MAST2: variants seen among roughly 807,000 people sequenced by gnomAD.
MAST2 encodes microtubule-associated serine/threonine-protein kinase 2.
In MAST2, 70 loss-of-function variants were observed where a neutral mutation model predicts 147.4. That is an observed-to-expected ratio of 0.47 (90% confidence interval 0.39 to 0.58). The LOEUF (loss-of-function observed/expected upper bound fraction) is 0.58. MAST2 is among the 20% of genes least tolerant of loss of function. MAST2 has a pLI of 0.00. For synonymous variants in MAST2, 869 were observed against 896.8 expected (o/e 0.97, Z 0.55); for missense variants, 2,080 against 2,302.3 (o/e 0.90, Z 1.98).
At position 46,023,806 on chromosome 1, in the gene MAST2, C is replaced by T; in HGVS notation, c.1606C>T (p.Gln536Ter). 3.1e-6 allele frequency: 5 copies of T among 1,614,094 alleles called. No homozygotes were observed. The highest frequency in any genetic ancestry group is 4.2e-6 in the Non-Finnish European group (5 of 1,180,028). ...TCTGGTGCGGCACAAGTCCACCCGGCAGCGCTTTGCCATGAAGAAGATCAA... is the reference window on the plus strand; with the variant it reads ...TCTGGTGCGGCACAAGTCCACCCGGTAGCGCTTTGCCATGAAGAAGATCAA... The part of the protein sequence containing the change: ...VFLVRHKSTR[Q>*]RFAMKKINKQ... The change falls in exon 15 of 29, where the codon CAG becomes TAG. Residue 536 changes from glutamine to a stop codon, truncating the protein, a stop_gained. Coordinates refer to ENST00000361297, the MANE Select transcript of MAST2 (RefSeq NM_015112.3). LOFTEE classifies it high-confidence loss of function. This position sits in a 1 kb window ranked among gnomAD's most constrained non-coding sequence, Gnocchi z 4.9.
chr1:45,828,125 C>T (rs1644848224), intron 2 of MAST2, among the ~76,000 whole-genome samples: 1 of 152,182 alleles, frequency 6.6e-6, no homozygotes, highest in African/African-American at 2.4e-5. Context: ...GCCACAACAC[C>T]TGTCCTGAAG....
chr1:45,834,712 A>G (rs942944370), intron 3 of MAST2, among the ~76,000 whole-genome samples: 5 of 152,166 alleles, frequency 3.3e-5, no homozygotes, highest in African/African-American at 1.2e-4. Flanking sequence ...TGATGCTGCT[A>G]TGTGAATCTG....
At chr1:45,947,382 A>C (rs1392535077) in intron 4 of MAST2, among the ~76,000 whole-genome samples, 1 of 151,918 alleles carries the variant, frequency 6.6e-6, no homozygotes, top group Non-Finnish European at 1.5e-5. Context: ...GTATTGAGCC[A>C]CATTCAAAGC....
At chr1:45,917,671 C>A in intron 4 of MAST2, 1 of 582,736 alleles carries the variant, frequency 1.7e-6, no homozygotes, top group South Asian at 1.9e-5. Flanking sequence ...AAATAAATAT[C>A]ACAGATTTCT....
chr1:45,814,170 C>T (rs1262897778), intron 1 of MAST2, among the ~76,000 whole-genome samples: 1 of 152,098 alleles, frequency 6.6e-6, no homozygotes, highest in South Asian at 2.1e-4. Flanking sequence ...TATGTATTTA[C>T]CATACTATAC....
At chr1:45,834,117 G>A (rs1212772920) in intron 3 of MAST2, among the ~76,000 whole-genome samples, 1 of 152,092 alleles carries the variant, frequency 6.6e-6, no homozygotes, top group African/African-American at 2.4e-5. Context: ...AGTAACGGCC[G>A]TCTATAGTAC....
At chr1:46,033,739 G>T in intron 26 of MAST2, 63 bp from the exon 27 acceptor site, 1 of 1,587,720 alleles carries the variant, frequency 6.3e-7, no homozygotes, top group South Asian at 1.1e-5. Context: ...GGGAAGGATT[G>T]GGGGAGGGGA....
At position 45,869,911 on chromosome 1, in the gene MAST2, T is replaced by TTTTG. The variant is rs58270514; in HGVS notation, c.469-12429_469-12426dup. ...TTGAAGATCTCTGTTCCTGTGATTCTTTTGTTTGTTTGTTTGTTTGTTTGT... is the reference window on the plus strand; with the variant it reads ...TTGAAGATCTCTGTTCCTGTGATTCTTTTGTTTGTTTGTTTGTTTGTTTGTTTGT... On this transcript the variant is annotated intron_variant, in intron 3 of 28. Coordinates refer to ENST00000361297, the MANE Select transcript of MAST2 (RefSeq NM_015112.3). Among the ~76,000 whole-genome samples, 1,296 of 150,918 alleles carry TTTTG rather than the reference T, an allele frequency of 8.6e-3. 17 individuals are homozygous for TTTTG. The highest frequency in any genetic ancestry group is 0.041 in the Middle Eastern group (12 of 290).
At chr1:45,824,692 A>G in intron 2 of MAST2, 112 bp downstream of exon 2, 3 of 1,118,198 alleles carry the variant, frequency 2.7e-6, no homozygotes, top group East Asian at 2.5e-5. Context: ...GTAGTCTTGT[A>G]TAGAACATTT....
At chr1:45,962,691 A>G (rs1250691738) in intron 5 of MAST2, among the ~76,000 whole-genome samples, 1 of 152,086 alleles carries the variant, frequency 6.6e-6, no homozygotes, top group East Asian at 1.9e-4. Flanking sequence ...AGATGAGTAG[A>G]TTGCAAAAAT....
chr1:45,962,933 T>C (rs577539805), intron 5 of MAST2, among the ~76,000 whole-genome samples: 1 of 152,368 alleles, frequency 6.6e-6, no homozygotes, highest in South Asian at 2.1e-4. Flanking sequence ...CTTGAATTAA[T>C]TTTTGTATAC....
At chr1:45,899,125 C>T (rs1399331786) in intron 4 of MAST2, among the ~76,000 whole-genome samples, 1 of 152,076 alleles carries the variant, frequency 6.6e-6, no homozygotes, top group Non-Finnish European at 1.5e-5. Flanking sequence ...CTGTTTTTAC[C>T]TTCTTTGATC....
chr1:45,995,972 A>G (rs1224954837), intron 5 of MAST2, among the ~76,000 whole-genome samples: 1 of 152,058 alleles, frequency 6.6e-6, no homozygotes, highest in East Asian at 1.9e-4. Flanking sequence ...TCAAATTTGC[A>G]AAATGGTCCG....
rs75436964 is a variant in MAST2, at chr1:45,930,823, T to G, written c.501-28563T>G. On this transcript the variant is annotated intron_variant, in intron 4 of 28. Coordinates refer to ENST00000361297, the MANE Select transcript of MAST2 (RefSeq NM_015112.3). ...CAAGCCACAAGCTAATAATGAAGTTTACATTTTTTAAGGGATATTTACAAA... is the reference window on the plus strand; with the variant it reads ...CAAGCCACAAGCTAATAATGAAGTTGACATTTTTTAAGGGATATTTACAAA... Among the ~76,000 whole-genome samples the G allele has an allele frequency of 3.5e-3, 538 of 152,316 alleles. 6 individuals carry two copies. The highest frequency in any genetic ancestry group is 0.034 in the East Asian group (176 of 5,184).
At chr1:46,001,437 G>C (rs947016654) in intron 6 of MAST2, among the ~76,000 whole-genome samples, 3 of 152,186 alleles carry the variant, frequency 2.0e-5, no homozygotes, top group African/African-American at 7.2e-5. Context: ...ATTTGACAAG[G>C]GTTTGGGAAA....
At position 46,023,223 on chromosome 1, in the gene MAST2, T is replaced by C. The variant is rs775139271; in HGVS notation, c.1486-10T>C. On this transcript the variant is annotated splice_polypyrimidine_tract_variant and intron_variant, in intron 13 of 28. Coordinates refer to ENST00000361297, the MANE Select transcript of MAST2 (RefSeq NM_015112.3). This position sits in a 1 kb window ranked among gnomAD's most constrained non-coding sequence, Gnocchi z 4.9. Reference sequence around the variant, plus strand: ...CATGCCTGTCTCCTGCCTTTTCCCTTGTCTTCCAGGGCCATGGGGCATCTC... The same window carrying C: ...CATGCCTGTCTCCTGCCTTTTCCCTCGTCTTCCAGGGCCATGGGGCATCTC... 6.2e-7 allele frequency: 1 copy of C among 1,613,116 alleles called. No individual in the cohort carries two copies. Among genetic ancestry groups the C allele is most frequent in the Non-Finnish European group, 8.5e-7 (1 of 1,179,044 alleles).
chr1:45,888,612 T>C (rs1647197579), intron 4 of MAST2, among the ~76,000 whole-genome samples: 1 of 144,038 alleles, frequency 6.9e-6, no homozygotes, highest in Non-Finnish European at 1.5e-5. Context: ...TCCACCCACC[T>C]CGGCCTCCCA....
At chr1:45,975,416 T>C (rs1644097327) in intron 5 of MAST2, among the ~76,000 whole-genome samples, 1 of 136,314 alleles carries the variant, frequency 7.3e-6, no homozygotes, top group African/African-American at 2.7e-5. Flanking sequence ...TCCAACACTT[T>C]GGGAGGCCAA....
chr1:46,035,750 C>G lies in MAST2; in HGVS notation c.5081C>G (p.Pro1694Arg). The G allele has an allele frequency of 2.5e-6, 4 of 1,614,070 alleles. No individual in the cohort carries two copies. The highest frequency in any genetic ancestry group is 3.4e-6 in the Non-Finnish European group (4 of 1,180,030). Residue 1694 changes from proline to arginine, a missense_variant, in exon 29 of 29, where the codon CCT becomes CGT. This residue lies in a region of MAST2 where 1,278 missense variants were observed against 1,304.2 expected (regional missense o/e 0.98). Transcript: ENST00000361297. The surrounding 1 kb of genome is among the most constrained non-coding windows in gnomAD (Gnocchi z 5.5). ...TTGGAAAACACAACTCCAGCCCAGC[C>G]TAAGAACCTGTCTCCCAGGGAGCAG... ...QDLENTTPAQPKNLSPREQGK... is the reference protein window; with the variant it reads ...QDLENTTPAQRKNLSPREQGK...
Sources: allele counts gnomAD v4.1 joint callset (sites outside exome capture counted in the v4.1 genomes callset), GRCh38; gene constraint gnomAD v4.1.1; regional missense constraint gnomAD v4.1.1; non-coding constraint Gnocchi (gnomAD v3.1); transcripts MANE v1.5; gene names NCBI Gene and HGNC (gene_info 2026-07-23, HGNC 2026-07-21).